Variants in ZC3H7B observed in about 807,000 individuals in gnomAD.
ZC3H7B encodes zinc finger CCCH-type containing 7B.
A neutral mutation model predicts 116.0 loss-of-function variants in ZC3H7B; 35 were observed. The ratio of observed to expected loss-of-function variants is 0.30; its 90% confidence interval spans 0.23 to 0.40. ZC3H7B has a LOEUF of 0.40. ZC3H7B is among the 10% of genes least tolerant of loss of function. The pLI, the probability that ZC3H7B is intolerant of heterozygous loss-of-function variation, is 1.00. For missense variants in ZC3H7B, 1,011 were observed against 1,321.5 expected, an observed-to-expected ratio of 0.77 and a Z score of 3.64; for synonymous variants, 502 against 545.6, an observed-to-expected ratio of 0.92 and a Z score of 1.11.
rs1395068322 is a variant in ZC3H7B at position 41,338,394 on chromosome 22, GC to G, written c.625+43del. ...TACGAGGGAACAAGTGGAAATTGGG[GC>G]CCCGAGAGGTCAGGGGAGTCGAGCC... On this transcript the variant is annotated intron_variant, in intron 8 of 22. Coordinates refer to ENST00000352645, the MANE Select transcript of ZC3H7B (RefSeq NM_017590.6). The surrounding 1 kb of genome is among the most constrained non-coding windows in gnomAD (Gnocchi z 4.5). 2 of 1,607,970 alleles carry G rather than the reference GC, an allele frequency of 1.2e-6. No homozygotes were observed. Among genetic ancestry groups the G allele is most frequent in the African/African-American group, 1.3e-5 (1 of 74,822 alleles).
intron 10 of ZC3H7B, among the ~76,000 whole-genome samples, chr22:41,340,853 G>A (rs912381901): frequency 6.6e-5 from 10 of 152,176 alleles, no homozygotes; most frequent in Admixed American, 2.6e-4. Flanking sequence ...TTTCTCCTAC[G>A]GGCAGCGGGA....
At chr22:41,337,095 C>T (rs2036457592) in intron 7 of ZC3H7B, among the ~76,000 whole-genome samples, 1 of 152,090 alleles carries the variant, frequency 6.6e-6, no homozygotes, top group Non-Finnish European at 1.5e-5. Flanking sequence ...AAGATCGCAC[C>T]ATTGCACTCC....
At chr22:41,333,683 T>G (rs1482634841) in intron 7 of ZC3H7B, 2 of 152,134 alleles carry the variant, frequency 1.3e-5, no homozygotes, top group Non-Finnish European at 2.9e-5. Context: ...GAGAAAACAT[T>G]AAATGAATGA....
intron 22 of ZC3H7B, 49 bp downstream of exon 22, chr22:41,356,857 G>A (rs748716988): frequency 1.2e-5 from 20 of 1,608,278 alleles, no homozygotes; most frequent in Admixed American, 1.7e-5. Context: ...GGCCCGAGGA[G>A]ATGGAGTCCG....
At chr22:41,334,355 A>G (rs955063034) in intron 7 of ZC3H7B, 2 of 152,282 alleles carry the variant, frequency 1.3e-5, no homozygotes, top group Non-Finnish European at 2.9e-5. Flanking sequence ...AGGGGGCCAC[A>G]GCAAATATGG....
chr22:41,342,245 A>G (rs968573610), intron 11 of ZC3H7B, among the ~76,000 whole-genome samples: 4 of 152,044 alleles, frequency 2.6e-5, no homozygotes, highest in African/African-American at 9.7e-5. Context: ...TTCACATTCA[A>G]CTTGCCTTCA....
At chr22:41,343,065 C>T (rs1348540487) in intron 12 of ZC3H7B, among the ~76,000 whole-genome samples, 2 of 152,098 alleles carry the variant, frequency 1.3e-5, no homozygotes, top group African/African-American at 2.4e-5. Flanking sequence ...CCCAGCTACT[C>T]GGGAGGCTGA....
intron 1 of ZC3H7B, among the ~76,000 whole-genome samples, chr22:41,319,183 C>T (rs911642527): frequency 1.3e-5 from 2 of 152,004 alleles, no homozygotes; most frequent in Non-Finnish European, 2.9e-5. Context: ...GGGCAGATCA[C>T]GAGGTCAGGC....
At position 41,359,633 on chromosome 22, in the gene ZC3H7B, G is replaced by C. The variant is rs1294668519; in HGVS notation, c.*2204G>C. The C allele has an allele frequency of 6.6e-6, 1 of 152,282 alleles. No individual in the cohort carries two copies. The highest frequency in any genetic ancestry group is 1.9e-4 in the East Asian group (1 of 5,200). The allele number at this position is 152,282 out of a possible 1,614,324, so 9.4% of individuals were successfully genotyped here. A position where few individuals can be genotyped will look rare whatever the true frequency, so the allele number is the denominator to read the frequency against. ...CTGAAAAGAACAGGATTCAAGTCCA[G>C]AGTTTTCATCTTCAGCCTGTGATCT... On this transcript the variant is annotated 3_prime_UTR_variant, in exon 23 of 23. Transcript: ENST00000352645.
intron 1 of ZC3H7B, among the ~76,000 whole-genome samples, chr22:41,311,055 G>A (rs941949224): frequency 8.7e-5 from 13 of 149,980 alleles, no homozygotes; most frequent in Admixed American, 4.0e-4. Context: ...GTGAGCCACC[G>A]CGCCCAGCCT....
intron 1 of ZC3H7B, among the ~76,000 whole-genome samples, chr22:41,319,957 G>A (rs1408545415): frequency 6.6e-6 from 1 of 151,874 alleles, no homozygotes; most frequent in Non-Finnish European, 1.5e-5. Context: ...CTTGAACCCA[G>A]GAGGTGGAGG....
chr22:41,341,691 C>T (rs1043889109), intron 11 of ZC3H7B, among the ~76,000 whole-genome samples: 1 of 151,834 alleles, frequency 6.6e-6, no homozygotes, highest in Admixed American at 6.6e-5. Context: ...TGCAGTGAGC[C>T]GAGATCGCGC....
rs1279394543 is a variant in ZC3H7B, at chr22:41,301,541, C to A, written c.-238C>A. 1 of 152,076 alleles carries A rather than the reference C, an allele frequency of 6.6e-6. No homozygotes were observed. The highest frequency in any genetic ancestry group is 1.5e-5 in the Non-Finnish European group (1 of 68,010). 9.4% of individuals were successfully genotyped at this position (152,076 alleles called of 1,614,324 possible). A position where few individuals can be genotyped will look rare whatever the true frequency, so the allele number is the denominator to read the frequency against. ...AGCTGCAGGGAGACAGTGCCTCCAG[C>A]GGGTGCTGCCGCGAGCGGCCAGCCG... On this transcript the variant is annotated 5_prime_UTR_variant, in exon 1 of 23. Coordinates refer to ENST00000352645, the MANE Select transcript of ZC3H7B (RefSeq NM_017590.6).
chr22:41,327,939 C>T lies in ZC3H7B; in HGVS notation c.444+575C>T, dbSNP rs1176837967. Among the ~76,000 whole-genome samples the T allele has an allele frequency of 6.6e-6, 1 of 152,092 alleles. No homozygotes were observed. Among genetic ancestry groups the T allele is most frequent in the Non-Finnish European group, 1.5e-5 (1 of 68,036 alleles). On this transcript the variant is annotated intron_variant, in intron 5 of 22. Transcript: ENST00000352645. This position sits in a 1 kb window ranked among gnomAD's most constrained non-coding sequence, Gnocchi z 4.5. ...AGGAGTTTGCAACTAGCCTGAGCAA[C>T]ATAGCAAGACCCTGTTTCAACAAAA...
Position 41,356,674 on chromosome 22 carries a change from G to A in ZC3H7B, c.2547G>A (p.Lys849=). 6.2e-7 allele frequency: 1 copy of A among 1,613,644 alleles called. No individual in the cohort carries two copies. ...MMGYHCWLCG[K]NSNSKKQWQQ... ...GCTACCACTGCTGGCTCTGCGGCAA[G>A]AACAGCAACAGCAAGAAGCAGTGGC... The change falls in exon 22 of 23, where the codon AAG becomes AAA. Residue 849 remains lysine (K), a synonymous_variant. Coordinates refer to ENST00000352645, the MANE Select transcript of ZC3H7B (RefSeq NM_017590.6).
rs567817868 is a variant in ZC3H7B, at chr22:41,312,208, C to T, written c.-6-8447C>T. Among the ~76,000 whole-genome samples the T allele has an allele frequency of 3.3e-5, 5 of 151,312 alleles. No individual in the cohort carries two copies. The South Asian group carries it at 8.4e-4, about 25-fold the overall frequency. On this transcript the variant is annotated intron_variant, in intron 1 of 22. Coordinates refer to ENST00000352645, the MANE Select transcript of ZC3H7B (RefSeq NM_017590.6). ...CTAGCTCGGCGTGGTGGCTCATGCC[C>T]GTAATCCCAGTACTTTGGGAGGCTG...
At chr22:41,332,780 T>C (rs2036398799) in intron 7 of ZC3H7B, 1 of 152,942 alleles carries the variant, frequency 6.5e-6, no homozygotes. Flanking sequence ...AGTTTCTGCA[T>C]TCTGAAATGC....
At chr22:41,345,858 C>G in intron 13 of ZC3H7B, 145 bp from the exon 14 acceptor site, 1 of 804,466 alleles carries the variant, frequency 1.2e-6, no homozygotes, top group East Asian at 2.5e-5. Context: ...TGCAGCAGCC[C>G]CTGGCTCACC....
chr22:41,313,356 C>T (rs1158326332), intron 1 of ZC3H7B, among the ~76,000 whole-genome samples: 1 of 152,164 alleles, frequency 6.6e-6, no homozygotes, highest in African/African-American at 2.4e-5. Flanking sequence ...TCGTGATCCG[C>T]CCACCTTGGC....
Sources: gnomAD v4.1 joint callset for allele counts (sites outside exome capture counted in the v4.1 genomes callset) on GRCh38, gnomAD v4.1.1 for gene constraint, Gnocchi (gnomAD v3.1) non-coding constraint, MANE v1.5 for transcripts, NCBI Gene and HGNC (gene_info 2026-07-23, HGNC 2026-07-21) for gene names.